The following CADPS variants were observed in gnomAD, a reference collection of about 807,000 sequenced individuals.
CADPS encodes the protein calcium-dependent secretion activator 1.
A neutral mutation model predicts 167.3 loss-of-function variants in CADPS; 57 were observed. The ratio of observed to expected loss-of-function variants is 0.34; its 90% CI spans 0.28 to 0.42. CADPS has a LOEUF of 0.42. Ranked by LOEUF, CADPS falls within the 20% of genes least tolerant of loss-of-function variation. The probability of loss-of-function intolerance (pLI) is 1.00; values close to 1 mark genes in which losing one functional copy is unlikely to be tolerated. For missense variants in CADPS, 1,414 were observed against 1,738.1 expected, an observed-to-expected ratio of 0.81 and a Z score of 3.32; for synonymous variants, 676 against 635.3, an observed-to-expected ratio of 1.06 and a Z score of -0.96.
chr3:62,444,630 T>C (rs1213689479), intron 27 of CADPS, among the ~76,000 whole-genome samples: 1 of 152,238 alleles, frequency 6.6e-6, no homozygotes, highest in African/African-American at 2.4e-5. Context: ...GGTTTGTGGA[T>C]AGGAAGTATC....
chr3:62,417,565 G>T (rs935347861), intron 28 of CADPS, among the ~76,000 whole-genome samples: 1 of 152,028 alleles, frequency 6.6e-6, no homozygotes, highest in Admixed American at 6.6e-5. Flanking sequence ...GATTAAAGGC[G>T]TGAGCCACTG....
At chr3:62,663,202 C>T (rs2073691589) in intron 3 of CADPS, among the ~76,000 whole-genome samples, 1 of 152,062 alleles carries the variant, frequency 6.6e-6, no homozygotes, top group Non-Finnish European at 1.5e-5. Context: ...GCAATAAATC[C>T]ACTCCTCCCT....
At chr3:62,789,216 T>C (rs2092724203) in intron 1 of CADPS, among the ~76,000 whole-genome samples, 1 of 152,162 alleles carries the variant, frequency 6.6e-6, no homozygotes, top group African/African-American at 2.4e-5. Context: ...GAGCTTTATA[T>C]GTACTATCCT....
intron 3 of CADPS, among the ~76,000 whole-genome samples, chr3:62,677,771 C>T (rs1199004941): frequency 2.6e-5 from 4 of 152,036 alleles, no homozygotes; most frequent in African/African-American, 9.7e-5. Flanking sequence ...AAACCCTTCC[C>T]AGTATTACCA....
chr3:62,663,611 CAAAAAA>C (rs34328613), intron 3 of CADPS, among the ~76,000 whole-genome samples: 21,533 of 120,398 alleles, frequency 0.18, 1,587 homozygotes, highest in Middle Eastern at 0.32. Flanking sequence ...TCCCTGCCTC[CAAAAAA>C]AAAAAAAAAA....
At chr3:62,434,791 T>C (rs879707850) in intron 28 of CADPS, among the ~76,000 whole-genome samples, 1 of 152,030 alleles carries the variant, frequency 6.6e-6, no homozygotes, top group Non-Finnish European at 1.5e-5. Flanking sequence ...TATTCTCAAA[T>C]ACAAACACAC....
chr3:62,845,093 G>A (rs1490577635), intron 1 of CADPS, among the ~76,000 whole-genome samples: 2 of 152,170 alleles, frequency 1.3e-5, no homozygotes, highest in Non-Finnish European at 2.9e-5. Flanking sequence ...ATCACTGTGG[G>A]TAGAATAAGT....
chr3:62,513,346 G>GTT (rs1251661771), intron 16 of CADPS, among the ~76,000 whole-genome samples: 1 of 151,986 alleles, frequency 6.6e-6, no homozygotes, highest in African/African-American at 2.4e-5. Flanking sequence ...ACAAATTAGG[G>GTT]TTACACACAA....
At chr3:62,548,123 T>C (rs2076791613) in intron 11 of CADPS, among the ~76,000 whole-genome samples, 1 of 152,088 alleles carries the variant, frequency 6.6e-6, no homozygotes, top group African/African-American at 2.4e-5. Context: ...ATACAGGGGG[T>C]AACTTCTTTT....
chr3:62,403,039 A>T, intron 29 of CADPS, 42 bp downstream of exon 29: 5 of 1,255,660 alleles, frequency 4.0e-6, no homozygotes, highest in Non-Finnish European at 5.8e-6. Flanking sequence ...AATATATTTC[A>T]GTAAGCTATT....
At chr3:62,664,433 C>A (rs1052561802) in intron 3 of CADPS, among the ~76,000 whole-genome samples, 12 of 152,200 alleles carry the variant, frequency 7.9e-5, no homozygotes, top group Non-Finnish European at 1.6e-4. Context: ...ACATGACTGA[C>A]CAGTCGTCCA....
At chr3:62,626,955 T>C (rs2064202206) in intron 6 of CADPS, among the ~76,000 whole-genome samples, 1 of 152,124 alleles carries the variant, frequency 6.6e-6, no homozygotes, top group Admixed American at 6.6e-5. Context: ...TGTGTCAGAT[T>C]TGAAAAAGGG....
chr3:62,755,691 G>A (rs1386992924), intron 2 of CADPS, among the ~76,000 whole-genome samples: 1 of 152,204 alleles, frequency 6.6e-6, no homozygotes, highest in Non-Finnish European at 1.5e-5. Flanking sequence ...TCACAGGGTA[G>A]AGGCCATGGC....
chr3:62,868,685 TAG>T (rs1382805917), intron 1 of CADPS, among the ~76,000 whole-genome samples: 9 of 152,144 alleles, frequency 5.9e-5, no homozygotes, highest in African/African-American at 2.2e-4. Context: ...TGTGAAGATT[TAG>T]AGAGCTGGAC....
chr3:62,425,301 G>A (rs1006191598), intron 28 of CADPS, among the ~76,000 whole-genome samples: 1 of 151,990 alleles, frequency 6.6e-6, no homozygotes, highest in Non-Finnish European at 1.5e-5. Flanking sequence ...TATGTTCACC[G>A]CCTATCCATT....
chr3:62,464,838 G>C (rs1428244588), intron 26 of CADPS, among the ~76,000 whole-genome samples: 2 of 152,004 alleles, frequency 1.3e-5, no homozygotes, highest in Non-Finnish European at 2.9e-5. Flanking sequence ...CTCCAGCAGA[G>C]TTGCTGTGCA....
chr3:62,864,224 G>T (rs1385274049), intron 1 of CADPS, among the ~76,000 whole-genome samples: 1 of 152,190 alleles, frequency 6.6e-6, no homozygotes, highest in African/African-American at 2.4e-5. Flanking sequence ...TAGCAGCACT[G>T]ATGCAAATGG....
chr3:62,874,723 C>T lies in CADPS; in HGVS notation c.307G>A (p.Glu103Lys). 1 of 1,532,518 alleles carries T rather than the reference C, an allele frequency of 6.5e-7. No homozygotes were observed. Among genetic ancestry groups the T allele is most frequent in the Non-Finnish European group, 8.9e-7 (1 of 1,129,834 alleles). The allele number at this position is 1,532,518 out of a possible 1,614,324, so 94.9% of individuals were successfully genotyped here. A position where few individuals can be genotyped will look rare whatever the true frequency, so the allele number is the denominator to read the frequency against. Reference protein sequence around the residue: ...SPSVVSEKEKEELERLQKEEE... With the variant: ...SPSVVSEKEKKELERLQKEEE... The stretch of plus-strand genomic sequence containing the variant: ...TCTTTCTGCAGCCGCTCCAACTCTT[C>T]CTTCTCCTTCTCGCTCACCACCGAC... Residue 103 changes from glutamate (E) to lysine (K), a missense_variant, in exon 1 of 30, where the codon GAA becomes AAA. Transcript: ENST00000383710. The surrounding 1 kb of genome is among the most constrained non-coding windows in gnomAD (Gnocchi z 7.1).
chr3:62,399,318 C>T lies in CADPS; in HGVS notation c.*88G>A. The stretch of plus-strand genomic sequence containing the variant: ...AACATCTCATGGGCATGGTAGTTGA[C>T]AGAAAATTCCTAATGGGTTTAACTA... On this transcript the variant is annotated 3_prime_UTR_variant, in exon 30 of 30. Coordinates refer to ENST00000383710, the MANE Select transcript of CADPS (RefSeq NM_003716.4). This position sits in a 1 kb window ranked among gnomAD's most constrained non-coding sequence, Gnocchi z 5.6. 7.8e-7 allele frequency: 1 copy of T among 1,286,944 alleles called. No individual in the cohort carries two copies. Among genetic ancestry groups the T allele is most frequent in the Non-Finnish European group, 1.1e-6 (1 of 912,508 alleles). The allele number at this position is 1,286,944 out of a possible 1,614,324, so 79.7% of individuals were successfully genotyped here. A position where few individuals can be genotyped will look rare whatever the true frequency, so the allele number is the denominator to read the frequency against.
Sources: allele counts gnomAD v4.1 joint callset (sites outside exome capture counted in the v4.1 genomes callset), GRCh38; gene constraint gnomAD v4.1.1; non-coding constraint Gnocchi (gnomAD v3.1); transcripts MANE v1.5; gene names NCBI Gene and HGNC (gene_info 2026-07-23, HGNC 2026-07-21).